Variants in C15orf61 observed in about 807,000 individuals in gnomAD.
C15orf61 encodes uncharacterized protein C15orf61.
C15orf61 carries 12 observed loss-of-function variants against 13.7 expected under a neutral mutation model. That is an observed-to-expected ratio of 0.88 (90% CI 0.56 to 1.42). C15orf61 has a LOEUF of 1.42. C15orf61 is among the 40% of genes most tolerant of loss of function. C15orf61 has a pLI of 0.00. For synonymous variants in C15orf61, 92 were observed against 94.1 expected, an observed-to-expected ratio of 0.98 and a Z score of 0.13; for missense variants, 248 against 213.2, an observed-to-expected ratio of 1.16 and a Z score of -1.02.
In C15orf61 at chr15:67,528,085, T is replaced by C. The variant is rs1019192017; in HGVS notation, c.*1540T>C. The C allele has an allele frequency of 6.6e-6, 1 of 152,270 alleles. No homozygotes were observed. The highest frequency in any genetic ancestry group is 2.4e-5 in the African/African-American group (1 of 41,470). 9.4% of individuals were successfully genotyped at this position (152,270 alleles called of 1,614,324 possible). ...AAGTCAAATACTGCTCATTCATTGC[T>C]GCTGGTCTTGTCAATAGTGGCTGTA... On this transcript the variant is annotated 3_prime_UTR_variant, in exon 2 of 2. Transcript: ENST00000342683.
chr15:67,521,301 G>A lies in C15orf61; in HGVS notation c.53G>A (p.Arg18Lys), dbSNP rs2084158172. Reference sequence around the variant, plus strand: ...GTCGCGCTCCGCCTGCTGCTGTGTAGGCCGTGGGCCTCGCGCGCCGCCGCC... The same window carrying A: ...GTCGCGCTCCGCCTGCTGCTGTGTAAGCCGTGGGCCTCGCGCGCCGCCGCC... ...HEVALRLLLC[R>K]PWASRAAARP... The change falls in exon 1 of 2, where the codon AGG becomes AAG. Residue 18 changes from arginine (R) to lysine (K), a missense_variant. Arg to Lys is a conservative substitution (Grantham distance 26, BLOSUM62 2). Transcript: ENST00000342683. 1.3e-6 allele frequency: 2 copies of A among 1,518,756 alleles called. No homozygotes were observed. Among genetic ancestry groups the A allele is most frequent in the Non-Finnish European group, 1.8e-6 (2 of 1,138,460 alleles). The allele number at this position is 1,518,756 out of a possible 1,614,324, so 94.1% of individuals were successfully genotyped here.
chr15:67,524,845 T>G (rs188360221), intron 1 of C15orf61, among the ~76,000 whole-genome samples: 9 of 149,080 alleles, frequency 6.0e-5, no homozygotes, highest in African/African-American at 2.0e-4. Context: ...TTGTTTTTTT[T>G]TTTTTTTTTT....
Position 67,526,367 on chromosome 15 carries a change from C to T in C15orf61, c.347-51C>T, listed in dbSNP as rs142247598. The stretch of plus-strand genomic sequence containing the variant: ...GAAGAGTGTTATACGTGATCAGTAA[C>T]TTGCATGATTAATAAGCATTGATGT... On this transcript the variant is annotated intron_variant, in intron 1 of 1. Transcript: ENST00000342683. The T allele has an allele frequency of 7.7e-3, 9,463 of 1,235,326 alleles. 55 individuals are homozygous for T. The highest frequency in any genetic ancestry group is 9.0e-3 in the Non-Finnish European group (7,932 of 882,878). 76.5% of individuals were successfully genotyped at this position (1,235,326 alleles called of 1,614,324 possible).
Position 67,525,520 on chromosome 15 carries a change from C to CT in C15orf61, c.347-897dup, listed in dbSNP as rs1647500086. Among the ~76,000 whole-genome samples the CT allele has an allele frequency of 6.6e-6, 1 of 152,302 alleles. No homozygotes were observed. The highest frequency in any genetic ancestry group is 1.9e-4 in the East Asian group (1 of 5,184). On this transcript the variant is annotated intron_variant, in intron 1 of 1. Transcript: ENST00000342683. The surrounding 1 kb of genome is among the most constrained non-coding windows in gnomAD (Gnocchi z 4.9). ...ACACATGTTGGAGTCTACTATATAT[C>CT]TATTTCAAATTGGTTGAAATGAGGT... is the stretch of plus-strand genomic sequence containing the variant.
At chr15:67,522,246 C>G in intron 1 of C15orf61, 1 of 700,530 alleles carries the variant, frequency 1.4e-6, no homozygotes. Context: ...GAGGGAGGTA[C>G]GAACATGGAC....
rs1182686617 is a variant in C15orf61, at chr15:67,528,893, A to G, written c.*2348A>G. 3 of 152,196 alleles carry G rather than the reference A, an allele frequency of 2.0e-5. No homozygotes were observed. Among genetic ancestry groups the G allele is most frequent in the Non-Finnish European group, 4.4e-5 (3 of 68,032 alleles). The allele number at this position is 152,196 out of a possible 1,614,324, so 9.4% of individuals were successfully genotyped here. On this transcript the variant is annotated 3_prime_UTR_variant, in exon 2 of 2. Transcript: ENST00000342683. ...AATCCACATTCTTCTGCTCCATTAT[A>G]CTTAAAGGACTTCATTAATTAAAAA...
At chr15:67,524,251 A>G (rs1458782924) in intron 1 of C15orf61, among the ~76,000 whole-genome samples, 3 of 151,900 alleles carry the variant, frequency 2.0e-5, no homozygotes, top group African/African-American at 7.3e-5. Flanking sequence ...TCCTCACTCC[A>G]TTGATTTTCA....
chr15:67,521,304 C>G lies in C15orf61; in HGVS notation c.56C>G (p.Pro19Arg). ...GCGCTCCGCCTGCTGCTGTGTAGGC[C>G]GTGGGCCTCGCGCGCCGCCGCCCGC... ...EVALRLLLCR[P>R]WASRAAARPK... is the part of the protein sequence containing the mutation. The change falls in exon 1 of 2, where the codon CCG becomes CGG. Residue 19 changes from proline (P) to arginine (R), a missense_variant. Physicochemically the swap from Pro to Arg is moderately radical, Grantham distance 103. Transcript: ENST00000342683. 3 of 1,521,542 alleles carry G rather than the reference C, an allele frequency of 2.0e-6. No individual in the cohort carries two copies. The highest frequency in any genetic ancestry group is 2.6e-6 in the Non-Finnish European group (3 of 1,139,656). 94.3% of individuals were successfully genotyped at this position (1,521,542 alleles called of 1,614,324 possible). A position where few individuals can be genotyped will look rare whatever the true frequency, so the allele number is the denominator to read the frequency against.
intron 1 of C15orf61, chr15:67,521,938 A>C: frequency 1.5e-6 from 1 of 684,452 alleles, no homozygotes; most frequent in South Asian, 1.5e-5. Context: ...GTGGCTCTGA[A>C]GTTGACATCC....
chr15:67,525,596 CT>C lies in C15orf61; in HGVS notation c.347-821del, dbSNP rs2084194105. ...CTAATAATAGTTTTTTTTCTCATGCCTGTTGTACTGAAATCTTACTTGGAGT... is the reference window on the plus strand; with the variant it reads ...CTAATAATAGTTTTTTTTCTCATGCCGTTGTACTGAAATCTTACTTGGAGT... On this transcript the variant is annotated intron_variant, in intron 1 of 1. Coordinates refer to ENST00000342683, the MANE Select transcript of C15orf61 (RefSeq NM_001143936.2). This position sits in a 1 kb window ranked among gnomAD's most constrained non-coding sequence, Gnocchi z 4.9. Among the ~76,000 whole-genome samples, 1 of 152,162 alleles carries C rather than the reference CT, an allele frequency of 6.6e-6. No homozygotes were observed. The highest frequency in any genetic ancestry group is 1.5e-5 in the Non-Finnish European group (1 of 67,998).
At chr15:67,524,651 A>T (rs972379626) in intron 1 of C15orf61, among the ~76,000 whole-genome samples, 16 of 152,226 alleles carry the variant, frequency 1.1e-4, no homozygotes, top group Admixed American at 9.2e-4. Context: ...CCAGCTAGTG[A>T]TGTGATGCTT....
At chr15:67,522,760 AG>A (rs1323373251) in intron 1 of C15orf61, among the ~76,000 whole-genome samples, 1 of 152,240 alleles carries the variant, frequency 6.6e-6, no homozygotes, top group Non-Finnish European at 1.5e-5. Flanking sequence ...AGTTTATTTT[AG>A]CATTTTTCAT....
intron 1 of C15orf61, among the ~76,000 whole-genome samples, chr15:67,526,026 C>T (rs1225537111): frequency 1.3e-5 from 2 of 152,224 alleles, no homozygotes; most frequent in African/African-American, 2.4e-5. Flanking sequence ...AACAAACAAA[C>T]AAACAGTAGT....
rs1173153364 is a variant in C15orf61, at chr15:67,528,296, A to G, written c.*1751A>G. ...GTGTGACTTCTTGCCCATATGTGAT[A>G]GGTAAGTGTCCTTGGAGAACATCTT... On this transcript the variant is annotated 3_prime_UTR_variant, in exon 2 of 2. Coordinates refer to ENST00000342683, the MANE Select transcript of C15orf61 (RefSeq NM_001143936.2). 2 of 152,236 alleles carry G rather than the reference A, an allele frequency of 1.3e-5. No individual in the cohort carries two copies. Among genetic ancestry groups the G allele is most frequent in the Non-Finnish European group, 2.9e-5 (2 of 68,030 alleles). The allele number at this position is 152,236 out of a possible 1,614,324, so 9.4% of individuals were successfully genotyped here.
At chr15:67,521,943 A>G in intron 1 of C15orf61, 2 of 685,958 alleles carry the variant, frequency 2.9e-6, no homozygotes, top group Non-Finnish European at 2.7e-6. Context: ...TCTGAAGTTG[A>G]CATCCGTCCT....
At chr15:67,523,682 C>A (rs947463687) in intron 1 of C15orf61, among the ~76,000 whole-genome samples, 1 of 152,108 alleles carries the variant, frequency 6.6e-6, no homozygotes, top group Non-Finnish European at 1.5e-5. Flanking sequence ...TTTGGAGGTT[C>A]TTTTGATGTT....
rs576781107 is a variant in C15orf61, at chr15:67,528,422, G to A, written c.*1877G>A. 6.6e-6 allele frequency: 1 copy of A among 152,152 alleles called. No homozygotes were observed. The highest frequency in any genetic ancestry group is 2.1e-4 in the South Asian group (1 of 4,832). 9.4% of individuals were successfully genotyped at this position (152,152 alleles called of 1,614,324 possible). A position where few individuals can be genotyped will look rare whatever the true frequency, so the allele number is the denominator to read the frequency against. The stretch of plus-strand genomic sequence containing the variant: ...TGTGCTCACTGTATAACAAGTAAAT[G>A]TAATATTTTCTTGTATTACATGAAA... On this transcript the variant is annotated 3_prime_UTR_variant, in exon 2 of 2. Coordinates refer to ENST00000342683, the MANE Select transcript of C15orf61 (RefSeq NM_001143936.2).
At position 67,527,548 on chromosome 15, in the gene C15orf61, TTTAAGA is replaced by T. The variant is rs1179461750; in HGVS notation, c.*1006_*1011del. ...TATTTAATTTCTAAACCAATGGGTG[TTTAAGA>T]TTTATGATCTCTCCCATAATTACAA... On this transcript the variant is annotated 3_prime_UTR_variant, in exon 2 of 2. Transcript: ENST00000342683. 1 of 152,128 alleles carries T rather than the reference TTTAAGA, an allele frequency of 6.6e-6. No homozygotes were observed. Among genetic ancestry groups the T allele is most frequent in the Non-Finnish European group, 1.5e-5 (1 of 67,972 alleles). 9.4% of individuals were successfully genotyped at this position (152,128 alleles called of 1,614,324 possible).
intron 1 of C15orf61, among the ~76,000 whole-genome samples, chr15:67,523,062 T>TGGGA (rs977909767): frequency 6.6e-6 from 1 of 152,162 alleles, no homozygotes; most frequent in Non-Finnish European, 1.5e-5. Flanking sequence ...TTTATTAATG[T>TGGGA]GGGAGAGTGA....
Sources: gnomAD v4.1 joint callset for allele counts (sites outside exome capture counted in the v4.1 genomes callset) on GRCh38, gnomAD v4.1.1 for gene constraint, Gnocchi (gnomAD v3.1) non-coding constraint, MANE v1.5 for transcripts, NCBI Gene and HGNC (gene_info 2026-07-23, HGNC 2026-07-21) for gene names.